Variants in ITPR2 observed in about 807,000 individuals in gnomAD.
ITPR2 encodes inositol 1,4,5-trisphosphate-gated calcium channel ITPR2.
ITPR2 carries 207 observed loss-of-function variants against 317.1 expected under a neutral mutation model. The ratio of observed to expected loss-of-function variants is 0.65; its 90% CI spans 0.58 to 0.73. The LOEUF (loss-of-function observed/expected upper bound fraction) is 0.73, where lower values mean the gene tolerates loss of function less well. ITPR2 is among the 30% of genes least tolerant of loss of function. ITPR2 has a pLI of 0.00. For missense variants in ITPR2, 2,613 were observed against 3,284.0 expected (o/e 0.80, Z 4.99); for synonymous variants, 1,156 against 1,149.1 (o/e 1.01, Z -0.12).
chr12:26,579,986 A>G (rs1314256337), intron 33 of ITPR2, 41 bp downstream of exon 33: 3 of 1,574,648 alleles, frequency 1.9e-6, no homozygotes, highest in East Asian at 2.3e-5. Context: ...CAAATAAGAG[A>G]AACTCTTTGC....
rs556828229 is a variant in ITPR2 at position 26,829,010 on chromosome 12, A to C, written c.92+3680T>G. On this transcript the variant is annotated intron_variant, in intron 1 of 56. Coordinates refer to ENST00000381340, the MANE Select transcript of ITPR2 (RefSeq NM_002223.4). ...AAGTTTCCTCTTCTCTCTTATATGA[A>C]TTTTAAATGTAATTCTTAGAAGAAT... 3.9e-5 allele frequency among the ~76,000 whole-genome samples: 6 copies of C among 152,312 alleles called. No homozygotes were observed. The East Asian group carries it at 1.2e-3, about 29-fold the overall frequency.
rs1465390421 is a variant in ITPR2, at chr12:26,439,190, T to G, written c.6580A>C (p.Asn2194His). The G allele has an allele frequency of 6.2e-7, 1 of 1,612,636 alleles. No homozygotes were observed. Among genetic ancestry groups the G allele is most frequent in the Non-Finnish European group, 8.5e-7 (1 of 1,179,356 alleles). ...TERDEQGSKV[N>H]DFFQQTEDLY... ...TCTTCTGTTTGCTGGAAAAAGTCAT[T>G]CACTTTACTTCCTTGTTCATCCCTT... The change falls in exon 47 of 57, where the codon AAT becomes CAT. Residue 2194 changes from asparagine (N) to histidine (H), a missense_variant. Physicochemically the swap from Asn to His is moderately conservative, Grantham distance 68. This residue lies in a region of ITPR2 where 926 missense variants were observed against 1,072.8 expected (regional missense o/e 0.86). Coordinates refer to ENST00000381340, the MANE Select transcript of ITPR2 (RefSeq NM_002223.4).
intron 47 of ITPR2, among the ~76,000 whole-genome samples, chr12:26,437,181 A>C (rs1941373741): frequency 6.6e-6 from 1 of 152,208 alleles, no homozygotes. Flanking sequence ...TGCCCTGGGC[A>C]CTCACATGGC....
chr12:26,537,743 A>G (rs1274833314), intron 37 of ITPR2, among the ~76,000 whole-genome samples: 1 of 152,236 alleles, frequency 6.6e-6, no homozygotes, highest in Admixed American at 6.5e-5. Context: ...TAAGTAATAT[A>G]GTCTATATTG....
At chr12:26,778,825 T>C (rs1352193606) in intron 2 of ITPR2, among the ~76,000 whole-genome samples, 3 of 152,330 alleles carry the variant, frequency 2.0e-5, no homozygotes, top group Non-Finnish European at 4.4e-5. Flanking sequence ...AGGGACCTTC[T>C]ACCTCAGTAA....
chr12:26,420,315 T>C (rs1592007254), intron 49 of ITPR2, among the ~76,000 whole-genome samples: 1 of 152,176 alleles, frequency 6.6e-6, no homozygotes, highest in East Asian at 1.9e-4. Context: ...TCCTTAAATG[T>C]CCAATCTTAA....
At chr12:26,597,687 G>A (rs899523644) in intron 30 of ITPR2, among the ~76,000 whole-genome samples, 4 of 152,112 alleles carry the variant, frequency 2.6e-5, no homozygotes, top group Non-Finnish European at 4.4e-5. Context: ...AAAAAACCGA[G>A]AGAAACAAAG....
intron 37 of ITPR2, 144 bp downstream of exon 37, chr12:26,550,103 A>G (rs1021041951): frequency 2.3e-6 from 1 of 433,940 alleles, no homozygotes; most frequent in African/African-American, 2.1e-5. Context: ...TATCATAAAA[A>G]CTCAAATTAT....
chr12:26,448,195 A>T (rs745946875), intron 45 of ITPR2, among the ~76,000 whole-genome samples: 5 of 152,082 alleles, frequency 3.3e-5, no homozygotes, highest in Non-Finnish European at 5.9e-5. Flanking sequence ...ATTCAAGGAC[A>T]GCCGTCTTAC....
intron 52 of ITPR2, among the ~76,000 whole-genome samples, chr12:26,404,265 G>A (rs1201740683): frequency 2.6e-5 from 4 of 152,142 alleles, no homozygotes; most frequent in Non-Finnish European, 4.4e-5. Context: ...GGGTGACTTA[G>A]GAAAAGGATC....
rs1942884438 is a variant in ITPR2, at chr12:26,494,347, T to C, written c.5183-7A>G. 1 of 1,583,170 alleles carries C rather than the reference T, an allele frequency of 6.3e-7. No individual in the cohort carries two copies. Among genetic ancestry groups the C allele is most frequent in the Non-Finnish European group, 8.6e-7 (1 of 1,164,956 alleles). On this transcript the variant is annotated splice_region_variant and splice_polypyrimidine_tract_variant and intron_variant, in intron 38 of 56. Transcript: ENST00000381340. ...TCTTGTCCAGAAAAGCTTCCTGTGATTGGGAAAAATAAATAAATAAACCTT... is the reference window on the plus strand; with the variant it reads ...TCTTGTCCAGAAAAGCTTCCTGTGACTGGGAAAAATAAATAAATAAACCTT...
intron 16 of ITPR2, among the ~76,000 whole-genome samples, 168 bp from the exon 17 acceptor site, chr12:26,658,298 CAAATT>C (rs2136908872): frequency 6.6e-6 from 1 of 152,274 alleles, no homozygotes; most frequent in African/African-American, 2.4e-5. Flanking sequence ...TCATTAGAAA[CAAATT>C]AAACATACAA....
At position 26,422,468 on chromosome 12, in the gene ITPR2, G is replaced by T. The variant is rs541924578; in HGVS notation, c.6946-3255C>A. Among the ~76,000 whole-genome samples the T allele has an allele frequency of 5.9e-5, 9 of 152,102 alleles. 1 individual carries two copies. The highest frequency in any genetic ancestry group is 1.9e-4 in the African/African-American group (8 of 41,520). On this transcript the variant is annotated intron_variant, in intron 49 of 56. Transcript: ENST00000381340. The stretch of plus-strand genomic sequence containing the variant: ...CAGAAAGACACTGAATTAGAAGGCG[G>T]GTCATCTGGTTTCAATCTTGGCTAT...
At chr12:26,444,522 A>G (rs1379187679) in intron 45 of ITPR2, among the ~76,000 whole-genome samples, 1 of 152,156 alleles carries the variant, frequency 6.6e-6, no homozygotes, top group Non-Finnish European at 1.5e-5. Context: ...CACTTCAAGT[A>G]CATGATCTTA....
intron 13 of ITPR2, among the ~76,000 whole-genome samples, chr12:26,670,590 A>G (rs1296686807): frequency 6.6e-6 from 1 of 152,098 alleles, no homozygotes; most frequent in Non-Finnish European, 1.5e-5. Context: ...TAAAACCACA[A>G]AGATGGGGAA....
chr12:26,639,843 G>A (rs1437735056), intron 21 of ITPR2, among the ~76,000 whole-genome samples: 1 of 151,944 alleles, frequency 6.6e-6, no homozygotes, highest in Non-Finnish European at 1.5e-5. Flanking sequence ...GTGTATATGT[G>A]CCACATTTTC....
At chr12:26,639,795 T>G (rs1422438928) in intron 21 of ITPR2, among the ~76,000 whole-genome samples, 6 of 151,986 alleles carry the variant, frequency 3.9e-5, no homozygotes, top group African/African-American at 1.4e-4. Flanking sequence ...ACAAAGGACA[T>G]GAACTCATCA....
In ITPR2 at chr12:26,495,184, G is replaced by C; in HGVS notation, c.5150C>G (p.Ser1717Ter). Residue 1717 changes from serine (S) to a stop codon, truncating the protein, a stop_gained, in exon 38 of 57, where the codon TCA (serine) becomes TGA (stop). Coordinates refer to ENST00000381340, the MANE Select transcript of ITPR2 (RefSeq NM_002223.4). LOFTEE classifies it high-confidence loss of function. ...DYSIGVNGHL[S>*]GAYSKTAQVG... Reference sequence around the variant, plus strand: ...CTGTGCAGTTTTGGAGTAGGCTCCTGATAGGTGTCCATTCACACCAATACT... The same window carrying C: ...CTGTGCAGTTTTGGAGTAGGCTCCTCATAGGTGTCCATTCACACCAATACT... The C allele has an allele frequency of 6.2e-7, 1 of 1,607,758 alleles. No individual in the cohort carries two copies. The highest frequency in any genetic ancestry group is 1.1e-5 in the South Asian group (1 of 90,980).
chr12:26,708,236 C>T (rs185018563), intron 9 of ITPR2, among the ~76,000 whole-genome samples: 14 of 152,238 alleles, frequency 9.2e-5, no homozygotes, highest in Non-Finnish European at 1.8e-4. Flanking sequence ...TCCGGCAATC[C>T]TACTGCTAGG....
Sources: gnomAD v4.1 joint callset for allele counts (sites outside exome capture counted in the v4.1 genomes callset) on GRCh38, gnomAD v4.1.1 for gene constraint, gnomAD v4.1.1 regional missense constraint, MANE v1.5 for transcripts, NCBI Gene and HGNC (gene_info 2026-07-23, HGNC 2026-07-21) for gene names.